SGMS1: variants seen among roughly 807,000 people sequenced by gnomAD.
SGMS1 encodes phosphatidylcholine:ceramide cholinephosphotransferase 1.
SGMS1 carries 13 observed loss-of-function variants against 46.2 expected under a neutral mutation model. The observed-to-expected ratio is 0.28, with a 90% CI of 0.18 to 0.45. The LOEUF is 0.45. Among genes scored for constraint, SGMS1 ranks in the 20% least tolerant of loss-of-function variants. The probability of loss-of-function intolerance (pLI) is 1.00; values close to 1 mark genes in which losing one functional copy is unlikely to be tolerated. For missense variants in SGMS1, 324 were observed against 519.9 expected, an observed-to-expected ratio of 0.62 and a Z score of 3.66; for synonymous variants, 203 against 187.8, an observed-to-expected ratio of 1.08 and a Z score of -0.66.
intron 2 of SGMS1, among the ~76,000 whole-genome samples, chr10:50,569,988 C>A (rs1034294390): frequency 6.6e-6 from 1 of 152,126 alleles, no homozygotes; most frequent in Non-Finnish European, 1.5e-5. Flanking sequence ...TTTTCAAGGC[C>A]GCCTGCTGAC....
At chr10:50,408,329 G>A (rs1431878217) in intron 6 of SGMS1, among the ~76,000 whole-genome samples, 1 of 150,196 alleles carries the variant, frequency 6.7e-6, no homozygotes, top group Non-Finnish European at 1.5e-5. Context: ...ACTGGCAGGT[G>A]CAGTGGCTCA....
At chr10:50,479,585 T>C (rs1359240892) in intron 3 of SGMS1, among the ~76,000 whole-genome samples, 1 of 152,194 alleles carries the variant, frequency 6.6e-6, no homozygotes, top group Non-Finnish European at 1.5e-5. Context: ...TTTTCTTACT[T>C]TTCCCATGTT....
chr10:50,533,251 C>T (rs1409785155), intron 2 of SGMS1, among the ~76,000 whole-genome samples: 1 of 152,072 alleles, frequency 6.6e-6, no homozygotes, highest in Admixed American at 6.6e-5. Flanking sequence ...GCTTTTTCCC[C>T]AAGAAATTCT....
intron 6 of SGMS1, among the ~76,000 whole-genome samples, chr10:50,350,268 A>G (rs1357526342): frequency 6.6e-6 from 1 of 152,210 alleles, no homozygotes; most frequent in Admixed American, 6.5e-5. Context: ...GAAATTTCTA[A>G]GCAGTAAAGC....
chr10:50,373,700 G>A (rs1039513139), intron 6 of SGMS1, among the ~76,000 whole-genome samples: 1 of 152,136 alleles, frequency 6.6e-6, no homozygotes, highest in African/African-American at 2.4e-5. Flanking sequence ...ACTAAGAGCG[G>A]CAATTATGTA....
intron 2 of SGMS1, among the ~76,000 whole-genome samples, chr10:50,525,342 G>A (rs375698752): frequency 3.3e-5 from 5 of 152,268 alleles, no homozygotes; most frequent in African/African-American, 9.6e-5. Flanking sequence ...AGATTGTGAA[G>A]GTGGGTGTAA....
At chr10:50,503,768 G>A (rs1459338752) in intron 3 of SGMS1, among the ~76,000 whole-genome samples, 1 of 152,134 alleles carries the variant, frequency 6.6e-6, no homozygotes, top group East Asian at 1.9e-4. Context: ...CAAAGGCTAG[G>A]GTTCACTGCC....
intron 6 of SGMS1, among the ~76,000 whole-genome samples, chr10:50,428,543 C>G (rs74321334): frequency 6.6e-6 from 1 of 152,132 alleles, no homozygotes; most frequent in Non-Finnish European, 1.5e-5. Flanking sequence ...GAGCTTTCTT[C>G]CCCCCGTAAT....
intron 1 of SGMS1, among the ~76,000 whole-genome samples, chr10:50,601,093 T>G (rs1018939027): frequency 1.3e-5 from 2 of 152,038 alleles, no homozygotes; most frequent in Non-Finnish European, 2.9e-5. Flanking sequence ...GTTGGGAAGA[T>G]GAAATGAAGA....
chr10:50,501,096 C>G (rs1245686142), intron 3 of SGMS1, among the ~76,000 whole-genome samples: 3 of 152,174 alleles, frequency 2.0e-5, no homozygotes, highest in Non-Finnish European at 4.4e-5. Flanking sequence ...TGGCCTCCTT[C>G]CCTCTCATCC....
At chr10:50,397,361 T>G (rs1006663366) in intron 6 of SGMS1, among the ~76,000 whole-genome samples, 2 of 152,088 alleles carry the variant, frequency 1.3e-5, no homozygotes, top group African/African-American at 4.8e-5. Context: ...TAAAGCAAGA[T>G]GAAGATGTTA....
intron 2 of SGMS1, among the ~76,000 whole-genome samples, chr10:50,587,637 G>GTGTT (rs1838499016): frequency 7.5e-6 from 1 of 133,918 alleles, no homozygotes. Flanking sequence ...ATATATATGT[G>GTGTT]TGTGTGTGTG....
intron 1 of SGMS1, among the ~76,000 whole-genome samples, chr10:50,604,404 G>A (rs1024189789): frequency 6.6e-6 from 1 of 152,196 alleles, no homozygotes; most frequent in Non-Finnish European, 1.5e-5. Flanking sequence ...GAACTGTAGA[G>A]AGCCACCAAA....
chr10:50,580,183 G>A (rs1838420131), intron 2 of SGMS1, among the ~76,000 whole-genome samples: 1 of 151,992 alleles, frequency 6.6e-6, no homozygotes, highest in African/African-American at 2.4e-5. Context: ...TAAGAAATGG[G>A]GGAGGAGGAA....
chr10:50,588,713 C>G (rs541698262), intron 2 of SGMS1, among the ~76,000 whole-genome samples: 75 of 146,448 alleles, frequency 5.1e-4, no homozygotes, highest in African/African-American at 1.9e-3. Context: ...AGCACAGAGA[C>G]TGATCTAATT....
intron 3 of SGMS1, among the ~76,000 whole-genome samples, chr10:50,501,387 C>T (rs1199041536): frequency 6.6e-6 from 1 of 152,134 alleles, no homozygotes; most frequent in Non-Finnish European, 1.5e-5. Context: ...TATGTATTTT[C>T]TACATTTTAT....
chr10:50,623,218 G>A (rs1838872918), intron 1 of SGMS1, among the ~76,000 whole-genome samples: 1 of 152,132 alleles, frequency 6.6e-6, no homozygotes, highest in Non-Finnish European at 1.5e-5. Flanking sequence ...CTGCGATCTG[G>A]ACCGAAGGTA....
chr10:50,337,552 G>A (rs533182832), intron 7 of SGMS1, among the ~76,000 whole-genome samples: 1 of 152,156 alleles, frequency 6.6e-6, no homozygotes, highest in African/African-American at 2.4e-5. Flanking sequence ...GTGTCTGTGG[G>A]TCATAAACTA....
rs904475103 is a variant in SGMS1 at position 50,306,281 on chromosome 10, G to T, written c.*861C>A. ...ATAAGCAGTCTTCTGATTCAATTTA[G>T]CTATAAATGCAAAATTTAGTAGTGT... On this transcript the variant is annotated 3_prime_UTR_variant, in exon 11 of 11. Coordinates refer to ENST00000361781, the MANE Select transcript of SGMS1 (RefSeq NM_147156.4). 6.6e-6 allele frequency: 1 copy of T among 152,384 alleles called. No homozygotes were observed. The highest frequency in any genetic ancestry group is 1.5e-5 in the Non-Finnish European group (1 of 67,986). 9.4% of individuals were successfully genotyped at this position (152,384 alleles called of 1,614,324 possible).
Sources: gnomAD v4.1 joint callset for allele counts (sites outside exome capture counted in the v4.1 genomes callset) on GRCh38, gnomAD v4.1.1 for gene constraint, MANE v1.5 for transcripts, NCBI Gene and HGNC (gene_info 2026-07-23, HGNC 2026-07-21) for gene names.